Variants in NUP210 observed in about 807,000 individuals in gnomAD.
The protein encoded by NUP210 is nuclear pore membrane glycoprotein 210.
NUP210 carries 151 observed loss-of-function variants against 196.0 expected under a neutral mutation model. That is an observed-to-expected ratio of 0.77 (90% confidence interval 0.67 to 0.88). The LOEUF (loss-of-function observed/expected upper bound fraction) is 0.88. Among genes scored for constraint, NUP210 ranks in the 40% least tolerant of loss-of-function variants. The probability of loss-of-function intolerance (pLI) is 0.00; values close to 1 mark genes in which losing one functional copy is unlikely to be tolerated. For synonymous variants in NUP210, 1,070 were observed against 1,052.7 expected, an observed-to-expected ratio of 1.02 and a Z score of -0.32; for missense variants, 2,314 against 2,493.7, an observed-to-expected ratio of 0.93 and a Z score of 1.53.
At chr3:13,335,709 C>G in intron 27 of NUP210, 97 bp from the exon 28 acceptor site, 5 of 1,370,404 alleles carry the variant, frequency 3.6e-6, no homozygotes, top group East Asian at 4.8e-5. Flanking sequence ...CCCCAGCCCC[C>G]CAGTCCTGGT....
At chr3:13,343,339 T>TGGGGGGGGGGTGGGG in intron 20 of NUP210, 36 bp from the exon 21 acceptor site, 2 of 282,518 alleles carry the variant, frequency 7.1e-6, no homozygotes, top group Non-Finnish European at 6.1e-6. Context: ...GGGTGGGTGG[T>TGGGGGGGGGGTGGGG]GGGTTACGCA....
intron 12 of NUP210, among the ~76,000 whole-genome samples, chr3:13,373,157 G>A (rs918483370): frequency 6.6e-6 from 1 of 152,204 alleles, no homozygotes; most frequent in East Asian, 1.9e-4. Context: ...CAGAGCACTA[G>A]GCAAGTATGG....
rs772493002 is a variant in NUP210 at position 13,322,200 on chromosome 3, A to T, written c.4908T>A (p.Thr1636=). 42 of 1,614,228 alleles carry T rather than the reference A, an allele frequency of 2.6e-5. 1 individual carries two copies. The South Asian group carries it at 4.6e-4, about 18-fold the overall frequency. The stretch of plus-strand genomic sequence containing the variant: ...TCAAATCCTCGCAATTACCGAGAGC[A>T]GTGTCAAACTGTGGCTCCACGGTGA... ...DVFTVEPQFD[T]ALGQYFCSIT... Residue 1636 remains threonine (T), a synonymous_variant, in exon 35 of 40, where the codon ACT becomes ACA. Coordinates refer to ENST00000254508, the MANE Select transcript of NUP210 (RefSeq NM_024923.4).
At chr3:13,327,461 G>C in intron 31 of NUP210, 24 bp from the exon 32 acceptor site, 239 of 1,543,996 alleles carry the variant, frequency 1.5e-4, no homozygotes, top group Non-Finnish European at 2.0e-4. Flanking sequence ...AGAAAGGAGG[G>C]CTCTCAGTCT....
Position 13,383,553 on chromosome 3 carries a change from C to T in NUP210, c.817+2722G>A, listed in dbSNP as rs566728237. Among the ~76,000 whole-genome samples the T allele has an allele frequency of 2.1e-4, 24 of 113,384 alleles. No individual in the cohort carries two copies. In the South Asian group the frequency reaches 5.2e-3, roughly 25 times the overall value. 74.4% of individuals were successfully genotyped at this position (113,384 alleles called of 152,430 possible). A position where few individuals can be genotyped will look rare whatever the true frequency, so the allele number is the denominator to read the frequency against. On this transcript the variant is annotated intron_variant, in intron 6 of 39. Coordinates refer to ENST00000254508, the MANE Select transcript of NUP210 (RefSeq NM_024923.4). The stretch of plus-strand genomic sequence containing the variant: ...TTTTTTTTTTTTTGAGACAGAGTCT[C>T]ACTCTGTCGCCCAGGCTGGAGTGCA...
rs74677593 is a variant in NUP210, at chr3:13,345,639, C to T, written c.2836-2336G>A. On this transcript the variant is annotated intron_variant, in intron 20 of 39. Coordinates refer to ENST00000254508, the MANE Select transcript of NUP210 (RefSeq NM_024923.4). ...CAAAGCATGCCTGGGTTATTCCACA[C>T]AATGACTTACAGTAGATGAATAAAG... Among the ~76,000 whole-genome samples the T allele has an allele frequency of 2.0e-5, 3 of 152,294 alleles. No homozygotes were observed. In the South Asian group the frequency reaches 6.2e-4, roughly 32 times the overall value.
intron 1 of NUP210, among the ~76,000 whole-genome samples, chr3:13,415,340 C>T (rs9817766): frequency 0.22 from 33,701 of 152,192 alleles, 5,853 homozygotes; most frequent in African/African-American, 0.49. Context: ...TCAGGCAGGA[C>T]GGGTCTTCAC....
intron 31 of NUP210, among the ~76,000 whole-genome samples, chr3:13,327,941 C>T (rs764393984): frequency 1.3e-5 from 2 of 152,230 alleles, no homozygotes; most frequent in Non-Finnish European, 2.9e-5. Flanking sequence ...TGCCACAGGG[C>T]AGGTGCTCAG....
intron 1 of NUP210, among the ~76,000 whole-genome samples, chr3:13,413,463 C>A (rs1217314203): frequency 3.5e-5 from 5 of 143,710 alleles, no homozygotes; most frequent in Non-Finnish European, 7.4e-5. Flanking sequence ...GAGCAAGACT[C>A]TGTCTCAAAA....
At position 13,348,999 on chromosome 3, in the gene NUP210, C is replaced by T. The variant is rs922134755; in HGVS notation, c.2835+2880G>A. ...TGCCTCACAGGCCCACACCCCCACA[C>T]ATCAAAAAACAGCCGGAGGTGCCAG... On this transcript the variant is annotated intron_variant, in intron 20 of 39. Transcript: ENST00000254508. This position sits in a 1 kb window ranked among gnomAD's most constrained non-coding sequence, Gnocchi z 4.0. 7.2e-5 allele frequency among the ~76,000 whole-genome samples: 11 copies of T among 152,260 alleles called. No homozygotes were observed. The highest frequency in any genetic ancestry group is 5.2e-4 in the Admixed American group (8 of 15,292).
intron 33 of NUP210, among the ~76,000 whole-genome samples, chr3:13,325,326 C>T (rs1258224948): frequency 6.6e-6 from 1 of 152,268 alleles, no homozygotes; most frequent in Non-Finnish European, 1.5e-5. Flanking sequence ...CCATAAAGCA[C>T]ATGCTGCCTC....
chr3:13,411,605 A>C (rs1285059635), intron 1 of NUP210, among the ~76,000 whole-genome samples: 1 of 151,714 alleles, frequency 6.6e-6, no homozygotes, highest in African/African-American at 2.4e-5. Context: ...CTGCCTCTGG[A>C]CCTGCAGGCT....
chr3:13,388,366 C>T lies in NUP210; in HGVS notation c.621G>A (p.Leu207=). Residue 207 remains leucine (L), a synonymous_variant, in exon 5 of 40, where the codon CTG becomes CTA. Transcript: ENST00000254508. ...EKAAKQGDTI[L]VSGMKTGSSK... ...AGCTCCCGGTCTTCATCCCAGACAC[C>T]AGGATGGTGTCCCCTTGCTTGGCAG... The T allele has an allele frequency of 6.2e-7, 1 of 1,613,020 alleles. No individual in the cohort carries two copies. The highest frequency in any genetic ancestry group is 8.5e-7 in the Non-Finnish European group (1 of 1,179,560).
intron 16 of NUP210, among the ~76,000 whole-genome samples, chr3:13,356,216 A>G (rs962479786): frequency 3.3e-5 from 5 of 152,240 alleles, no homozygotes; most frequent in Non-Finnish European, 7.3e-5. Flanking sequence ...TGATCAGTCA[A>G]TTCCATTCTG....
chr3:13,419,437 G>A (rs898133877), intron 1 of NUP210, among the ~76,000 whole-genome samples: 1 of 152,196 alleles, frequency 6.6e-6, no homozygotes. Context: ...AACCCGAGAG[G>A]GAGGGTGATG....
intron 37 of NUP210, 134 bp from the exon 38 acceptor site, chr3:13,319,459 G>A: frequency 1.3e-6 from 1 of 784,060 alleles, no homozygotes; most frequent in Non-Finnish European, 2.1e-6. Context: ...GTCTCAGAGG[G>A]CCAGGCCACC....
At chr3:13,360,927 G>A (rs1229990778) in intron 14 of NUP210, among the ~76,000 whole-genome samples, 1 of 152,160 alleles carries the variant, frequency 6.6e-6, no homozygotes, top group Non-Finnish European at 1.5e-5. Context: ...CAGCACAAGG[G>A]GCTCAGTACA....
At chr3:13,397,529 C>A (rs1699701863) in intron 2 of NUP210, 41 bp from the exon 3 acceptor site, 1 of 1,520,566 alleles carries the variant, frequency 6.6e-7, no homozygotes, top group South Asian at 1.3e-5. Flanking sequence ...AAAGACAGTC[C>A]CCGCCCCTGG....
At chr3:13,363,918 C>A (rs1293500505) in intron 14 of NUP210, among the ~76,000 whole-genome samples, 2 of 152,118 alleles carry the variant, frequency 1.3e-5, no homozygotes, top group East Asian at 3.9e-4. Flanking sequence ...CCTGAAGAAC[C>A]CCTCTCCAGG....
Sources: allele counts gnomAD v4.1 joint callset (sites outside exome capture counted in the v4.1 genomes callset), GRCh38; gene constraint gnomAD v4.1.1; non-coding constraint Gnocchi (gnomAD v3.1); transcripts MANE v1.5; gene names NCBI Gene and HGNC (gene_info 2026-07-23, HGNC 2026-07-21).